Variants in CCDC73 observed in about 807,000 individuals in gnomAD.
CCDC73 encodes coiled-coil domain containing 73.
A neutral mutation model predicts 116.5 loss-of-function variants in CCDC73; 95 were observed. That is an observed-to-expected ratio of 0.82 (90% CI 0.69 to 0.97). The LOEUF is 0.97. Among genes scored for constraint, CCDC73 ranks in the 50% least tolerant of loss-of-function variants. The pLI, the probability that CCDC73 is intolerant of heterozygous loss-of-function variation, is 0.00. For missense variants in CCDC73, 1,066 were observed against 1,206.8 expected (o/e 0.88, Z 1.73); for synonymous variants, 398 against 401.3 (o/e 0.99, Z 0.10).
At chr11:32,830,412 C>A in the CCDC73 span, 1 of 1,058,940 alleles carries the variant, frequency 9.4e-7, no homozygotes. Flanking sequence ...TGCGCCTAGG[C>A]TTTGAGTACA....
At chr11:32,713,774 T>TATTC (rs1463066942) in intron 3 of CCDC73, among the ~76,000 whole-genome samples, 2 of 152,080 alleles carry the variant, frequency 1.3e-5, no homozygotes, top group Non-Finnish European at 2.9e-5. Context: ...CTGAACATTA[T>TATTC]ATTCAATCAG....
chr11:32,826,654 AAAAAAC>A, the CCDC73 span, among the ~76,000 whole-genome samples: 3 of 132,814 alleles, frequency 2.3e-5, no homozygotes, highest in African/African-American at 8.7e-5. Context: ...CTCAAAAAAA[AAAAAAC>A]AAAAAAAAAA....
At chr11:32,695,476 A>G (rs1450805225) in intron 6 of CCDC73, among the ~76,000 whole-genome samples, 2 of 152,112 alleles carry the variant, frequency 1.3e-5, no homozygotes, top group Non-Finnish European at 2.9e-5. Context: ...CTTGGCTCCA[A>G]TTTAACATTT....
Position 32,667,555 on chromosome 11 carries a change from G to A in CCDC73, c.645+8010C>T, listed in dbSNP as rs182166148. ...GGAGTGACCCGATTTTCCAGGTGCC[G>A]TCTGTCACAGCTCCCTTGGCTAGGA... On this transcript the variant is annotated intron_variant, in intron 9 of 17. Transcript: ENST00000335185. 5.0e-4 allele frequency among the ~76,000 whole-genome samples: 75 copies of A among 151,436 alleles called. No individual in the cohort carries two copies. The East Asian group carries it at 0.011, about 22-fold the overall frequency.
intron 3 of CCDC73, among the ~76,000 whole-genome samples, chr11:32,716,807 C>G (rs114037760): frequency 2.1e-3 from 322 of 152,314 alleles, no homozygotes; most frequent in Middle Eastern, 0.01. Flanking sequence ...AAGTAACCCT[C>G]CTGCCTTGGC....
At position 32,602,765 on chromosome 11, in the gene CCDC73, C is replaced by T; in HGVS notation, c.*46G>A. 7.7e-7 allele frequency: 1 copy of T among 1,302,016 alleles called. No homozygotes were observed. The highest frequency in any genetic ancestry group is 1.1e-6 in the Non-Finnish European group (1 of 949,204). The allele number at this position is 1,302,016 out of a possible 1,614,324, so 80.7% of individuals were successfully genotyped here. A position where few individuals can be genotyped will look rare whatever the true frequency, so the allele number is the denominator to read the frequency against. ...CATTTTATTCTAGTAAAAACTATAC[C>T]AGAATTTCAGTTACATAATTTCACT... is the stretch of plus-strand genomic sequence containing the variant. On this transcript the variant is annotated 3_prime_UTR_variant, in exon 18 of 18. Transcript: ENST00000335185.
chr11:32,788,157 G>A (rs1850644293), intron 1 of CCDC73, among the ~76,000 whole-genome samples: 1 of 152,120 alleles, frequency 6.6e-6, no homozygotes, highest in Non-Finnish European at 1.5e-5. Flanking sequence ...ATTAATTTTT[G>A]TTGCATTGAT....
the CCDC73 span, among the ~76,000 whole-genome samples, chr11:32,809,894 C>T: frequency 1.3e-5 from 2 of 152,064 alleles, no homozygotes; most frequent in African/African-American, 2.4e-5. Context: ...AAGCATGCAT[C>T]GTAGGTACAA....
At chr11:32,819,518 A>C in the CCDC73 span, among the ~76,000 whole-genome samples, 12 of 151,380 alleles carry the variant, frequency 7.9e-5, no homozygotes, top group Admixed American at 4.0e-4. Flanking sequence ...GCTGGAGTGC[A>C]GTGGCTGGAA....
chr11:32,610,752 T>G (rs1855414748), intron 17 of CCDC73, among the ~76,000 whole-genome samples: 2 of 152,218 alleles, frequency 1.3e-5, no homozygotes, highest in Non-Finnish European at 2.9e-5. Context: ...CCAAAAATAA[T>G]GTGAATTTAC....
intron 14 of CCDC73, among the ~76,000 whole-genome samples, chr11:32,629,600 G>A (rs1163105402): frequency 1.3e-5 from 2 of 151,862 alleles, no homozygotes; most frequent in East Asian, 3.9e-4. Context: ...GGGTTTCACC[G>A]TGTTAGCCAG....
chr11:32,665,427 C>T (rs1267331927), intron 9 of CCDC73, among the ~76,000 whole-genome samples: 1 of 151,824 alleles, frequency 6.6e-6, no homozygotes, highest in African/African-American at 2.4e-5. Context: ...CTTCTTTGTC[C>T]CTTTTGATCT....
At chr11:32,707,657 C>T (rs1310944287) in intron 3 of CCDC73, among the ~76,000 whole-genome samples, 3 of 152,042 alleles carry the variant, frequency 2.0e-5, no homozygotes, top group African/African-American at 7.2e-5. Flanking sequence ...TTAGCAAGGT[C>T]GTGAAAATTC....
chr11:32,641,872 TC>T, intron 13 of CCDC73, 99 bp downstream of exon 13: 3 of 924,054 alleles, frequency 3.2e-6, no homozygotes, highest in Non-Finnish European at 4.3e-6. Flanking sequence ...CTGATTTTAG[TC>T]CTCTAATATT....
chr11:32,786,978 C>T (rs572169272), intron 1 of CCDC73, among the ~76,000 whole-genome samples: 1 of 152,214 alleles, frequency 6.6e-6, no homozygotes, highest in South Asian at 2.1e-4. Flanking sequence ...CAATCATGTA[C>T]AGGGATAAAT....
chr11:32,814,188 A>G, the CCDC73 span, among the ~76,000 whole-genome samples: 1 of 152,196 alleles, frequency 6.6e-6, no homozygotes, highest in Non-Finnish European at 1.5e-5. Context: ...TTTAACCAGG[A>G]GCCTCAAATT....
chr11:32,703,864 T>C (rs1849833191), intron 3 of CCDC73, among the ~76,000 whole-genome samples: 1 of 152,238 alleles, frequency 6.6e-6, no homozygotes, highest in Admixed American at 6.5e-5. Context: ...TTATCAAAGT[T>C]AATAATTCTC....
At chr11:32,763,900 G>T (rs1446064365) in intron 1 of CCDC73, among the ~76,000 whole-genome samples, 1 of 152,186 alleles carries the variant, frequency 6.6e-6, no homozygotes, top group Non-Finnish European at 1.5e-5. Context: ...AGAATAACCA[G>T]TGTAGAGAAG....
intron 1 of CCDC73, among the ~76,000 whole-genome samples, chr11:32,763,807 A>G (rs150586013): frequency 0.1 from 15,438 of 152,206 alleles, 1,049 homozygotes; most frequent in Non-Finnish European, 0.15. Flanking sequence ...CAGATGATCA[A>G]ACTTCTCCAA....
Sources: allele counts gnomAD v4.1 joint callset (sites outside exome capture counted in the v4.1 genomes callset), GRCh38; gene constraint gnomAD v4.1.1; transcripts MANE v1.5; gene names NCBI Gene and HGNC (gene_info 2026-07-23, HGNC 2026-07-21).